ZNF275: variants seen among roughly 807,000 people sequenced by gnomAD.
ZNF275 encodes zinc finger protein 275.
In ZNF275, 4 loss-of-function variants were observed where a neutral mutation model predicts 4.3. The ratio of observed to expected loss-of-function variants is 0.93; its 90% CI spans 0.46 to 2.13. ZNF275 has a LOEUF of 2.13. ZNF275 is among the 30% of genes most tolerant of loss of function. The probability of loss-of-function intolerance (pLI) is 0.02; values close to 1 mark genes in which losing one functional copy is unlikely to be tolerated. For synonymous variants in ZNF275, 173 were observed against 166.9 expected, an observed-to-expected ratio of 1.04 and a Z score of -0.28; for missense variants, 352 against 397.1, an observed-to-expected ratio of 0.89 and a Z score of 0.97.
chrX:153,334,261 G>T lies in ZNF275; in HGVS notation c.-71G>T, dbSNP rs940727218. The T allele has an allele frequency of 9.8e-5, 11 of 112,373 alleles. No individual in the cohort carries two copies. The highest frequency in any genetic ancestry group is 1.9e-4 in the Admixed American group (2 of 10,763). The allele number at this position is 112,373 out of a possible 1,213,427, so 9.3% of individuals were successfully genotyped here. A position where few individuals can be genotyped will look rare whatever the true frequency, so the allele number is the denominator to read the frequency against. ...CGCCAGCGCCGCTCCACCGAGGGCC[G>T]CGCGTCGGCCGCCGCCGGGCCTGGG... On this transcript the variant is annotated 5_prime_UTR_variant, in exon 1 of 4. Transcript: ENST00000650114.
At chrX:153,338,281 T>A in intron 2 of ZNF275, among the ~76,000 whole-genome samples, 1 of 111,928 alleles carries the variant, frequency 8.9e-6, no homozygotes, top group Middle Eastern at 4.7e-3. Context: ...GCAGCTCTTT[T>A]ACCTGATATA....
In ZNF275 at chrX:153,345,575, A is replaced by G; in HGVS notation, c.87A>G (p.Leu29=). ...LVPHLAQGQV[L]LVSDPSPNTD... ...CTCACCTGGCACAAGGACAAGTGCT[A>G]CTGGTGTCAGACCCATCGCCCAACA... The change falls in exon 3 of 4, where the codon CTA becomes CTG. Residue 29 remains leucine (L), a synonymous_variant. Transcript: ENST00000650114. 8.3e-7 allele frequency: 1 copy of G among 1,211,165 alleles called. No individual in the cohort carries two copies.
At chrX:153,338,832 A>T (rs1473787768) in intron 2 of ZNF275, among the ~76,000 whole-genome samples, 2 of 110,146 alleles carry the variant, frequency 1.8e-5, no homozygotes, top group African/African-American at 6.6e-5. Context: ...ATATACCATT[A>T]GGCCTAGATG....
At chrX:153,335,121 A>G (rs1444706592) in intron 1 of ZNF275, among the ~76,000 whole-genome samples, 1 of 104,579 alleles carries the variant, frequency 9.6e-6, no homozygotes, top group Admixed American at 1.0e-4. Context: ...TTTTCCACAC[A>G]CACCCCCCAC....
In ZNF275 at chrX:153,351,300, G is replaced by T. The variant is rs1401285724; in HGVS notation, c.*3325G>T. On this transcript the variant is annotated 3_prime_UTR_variant, in exon 4 of 4. Coordinates refer to ENST00000650114, the MANE Select transcript of ZNF275 (RefSeq NM_001367757.1). ...TCGCCAAGATCATTTCTTGCCTCTGGTAACTTGGGGGTGGATTTCCTTGGG... is the reference window on the plus strand; with the variant it reads ...TCGCCAAGATCATTTCTTGCCTCTGTTAACTTGGGGGTGGATTTCCTTGGG... The T allele has an allele frequency of 4.1e-5, 5 of 123,423 alleles. No individual in the cohort carries two copies. The East Asian group carries it at 1.4e-3, about 34-fold the overall frequency. The allele number at this position is 123,423 out of a possible 1,213,427, so 10.2% of individuals were successfully genotyped here. A position where few individuals can be genotyped will look rare whatever the true frequency, so the allele number is the denominator to read the frequency against.
Position 153,338,974 on chromosome X carries a change from C to T in ZNF275, c.31+2264C>T, listed in dbSNP as rs782176629. The stretch of plus-strand genomic sequence containing the variant: ...AGCTAGATATTAAGCAAGTTTACCT[C>T]TTGGAGCCCTGGTTTCCTTCTCTGT... On this transcript the variant is annotated intron_variant, in intron 2 of 3. Transcript: ENST00000650114. Among the ~76,000 whole-genome samples the T allele has an allele frequency of 3.6e-5, 4 of 111,306 alleles. No homozygotes were observed. The Admixed American group carries it at 3.8e-4, about 11-fold the overall frequency.
At chrX:153,338,740 AAG>A (rs1307912133) in intron 2 of ZNF275, among the ~76,000 whole-genome samples, 1 of 85,408 alleles carries the variant, frequency 1.2e-5, no homozygotes, top group Admixed American at 1.2e-4. Context: ...GAGACGAAGA[AAG>A]AGAGAGAGGA....
In ZNF275 at chrX:153,345,574, TACTGGTGTCAG is replaced by T. The variant is rs2088508035; in HGVS notation, c.89_99del (p.Leu30ProfsTer6). ...CCTCACCTGGCACAAGGACAAGTGC[TACTGGTGTCAG>T]ACCCATCGCCCAACACTGATCCTGC... On this transcript the variant is annotated frameshift_variant, in exon 3 of 4. Coordinates refer to ENST00000650114, the MANE Select transcript of ZNF275 (RefSeq NM_001367757.1). LOFTEE classifies it low-confidence loss of function (END_TRUNC). The T allele has an allele frequency of 8.3e-7, 1 of 1,211,409 alleles. No individual in the cohort carries two copies. The highest frequency in any genetic ancestry group is 2.2e-5 in the Admixed American group (1 of 46,134).
In ZNF275 at chrX:153,348,760, C is replaced by G. The variant is rs1175961571; in HGVS notation, c.*785C>G. 1.6e-5 allele frequency: 2 copies of G among 123,256 alleles called. No homozygotes were observed. Among genetic ancestry groups the G allele is most frequent in the Non-Finnish European group, 3.8e-5 (2 of 53,331 alleles). The allele number at this position is 123,256 out of a possible 1,213,427, so 10.2% of individuals were successfully genotyped here. ...AGAACATTAGGACGATTTCTCTTGT[C>G]GTTTTTTAATCTGTCCTGTGACTGT... On this transcript the variant is annotated 3_prime_UTR_variant, in exon 4 of 4. Coordinates refer to ENST00000650114, the MANE Select transcript of ZNF275 (RefSeq NM_001367757.1).
chrX:153,345,919 A>G (rs1363186568), intron 3 of ZNF275, among the ~76,000 whole-genome samples: 1 of 74,587 alleles, frequency 1.3e-5, no homozygotes, highest in African/African-American at 5.2e-5. Context: ...GGAGGTTTTG[A>G]GTTAGAGTTG....
At chrX:153,341,903 A>G (rs1377622141) in intron 2 of ZNF275, among the ~76,000 whole-genome samples, 1 of 111,983 alleles carries the variant, frequency 8.9e-6, no homozygotes, top group African/African-American at 3.2e-5. Flanking sequence ...CAGTCTGATT[A>G]TTATGGGTCT....
At chrX:153,343,322 G>GTTGAA (rs1214530556) in intron 2 of ZNF275, 4 of 293,398 alleles carry the variant, frequency 1.4e-5, no homozygotes, top group Middle Eastern at 4.7e-4. Context: ...TGAATTATGA[G>GTTGAA]TTGAATTGAA....
chrX:153,344,062 C>T, intron 2 of ZNF275: 2 of 319,725 alleles, frequency 6.3e-6, no homozygotes, highest in East Asian at 2.0e-4. Flanking sequence ...TCACCAGTCT[C>T]TTCCCAGGGG....
At chrX:153,337,559 A>T (rs1556960690) in intron 2 of ZNF275, among the ~76,000 whole-genome samples, 1 of 112,594 alleles carries the variant, frequency 8.9e-6, no homozygotes, top group Non-Finnish European at 1.9e-5. Context: ...TTACATTGTG[A>T]TCTAAAGCAC....
chrX:153,337,241 C>T (rs782561466), intron 2 of ZNF275, among the ~76,000 whole-genome samples: 5 of 111,548 alleles, frequency 4.5e-5, no homozygotes, highest in Admixed American at 9.4e-5. Flanking sequence ...GGAAGGACAG[C>T]GCACCTGTTA....
At chrX:153,339,954 T>A (rs782568823) in intron 2 of ZNF275, among the ~76,000 whole-genome samples, 29 of 111,900 alleles carry the variant, frequency 2.6e-4, no homozygotes, top group Non-Finnish European at 3.6e-4. Flanking sequence ...TCTCAGAAGG[T>A]GTATCCACAA....
intron 3 of ZNF275, among the ~76,000 whole-genome samples, chrX:153,345,996 A>G (rs1283624249): frequency 2.0e-5 from 2 of 101,977 alleles, no homozygotes; most frequent in Non-Finnish European, 4.0e-5. Flanking sequence ...CTTGGGGTTG[A>G]GGTTAGGGTT....
chrX:153,338,084 C>T (rs2088457541), intron 2 of ZNF275, among the ~76,000 whole-genome samples: 2 of 111,448 alleles, frequency 1.8e-5, no homozygotes, highest in African/African-American at 3.3e-5. Context: ...TGGACACCTG[C>T]GTTTGTCACT....
Position 153,347,305 on chromosome X carries a change from A to G in ZNF275, c.620A>G (p.Lys207Arg). ...SQHLRVHSRE[K>R]PFDCEECGRS... ...CATCTGAGGGTCCACAGCAGAGAGA[A>G]GCCCTTTGATTGCGAGGAATGCGGG... is the stretch of plus-strand genomic sequence containing the variant. Residue 207 changes from lysine to arginine, a missense_variant, in exon 4 of 4, where the codon AAG becomes AGG. Physicochemically the swap from Lys to Arg is conservative, Grantham distance 26. Transcript: ENST00000650114. 1 of 1,212,025 alleles carries G rather than the reference A, an allele frequency of 8.3e-7. No homozygotes were observed. Among genetic ancestry groups the G allele is most frequent in the Non-Finnish European group, 1.1e-6 (1 of 895,491 alleles).
Sources: allele counts gnomAD v4.1 joint callset (sites outside exome capture counted in the v4.1 genomes callset), GRCh38; gene constraint gnomAD v4.1.1; transcripts MANE v1.5; gene names NCBI Gene and HGNC (gene_info 2026-07-23, HGNC 2026-07-21).